Variants in ELMO1 observed in about 807,000 individuals in gnomAD.
ELMO1 encodes the protein engulfment and cell motility 1.
ELMO1 carries 26 observed loss-of-function variants against 98.9 expected under a neutral mutation model. The observed-to-expected ratio is 0.26, with a 90% confidence interval of 0.19 to 0.36. ELMO1 has a LOEUF of 0.36. Ranked by LOEUF, ELMO1 falls within the 10% of genes least tolerant of loss-of-function variation. ELMO1 has a pLI of 1.00. For missense variants in ELMO1, 627 were observed against 935.2 expected (o/e 0.67, Z 4.30); for synonymous variants, 346 against 346.0 (o/e 1.00, Z 0.00).
chr7:37,390,760 C>A (rs1428519938), intron 1 of ELMO1, among the ~76,000 whole-genome samples: 1 of 152,216 alleles, frequency 6.6e-6, no homozygotes, highest in African/African-American at 2.4e-5. Flanking sequence ...ACCCCCCAGC[C>A]CCCATGCTAT....
intron 17 of ELMO1, among the ~76,000 whole-genome samples, chr7:36,890,016 G>A (rs1805417335): frequency 6.6e-6 from 1 of 152,150 alleles, no homozygotes; most frequent in South Asian, 2.1e-4. Flanking sequence ...GAAAACATAA[G>A]TAAGCCCTAC....
chr7:36,926,952 G>T (rs545633275), intron 16 of ELMO1, among the ~76,000 whole-genome samples: 10 of 152,038 alleles, frequency 6.6e-5, no homozygotes, highest in Non-Finnish European at 8.8e-5. Context: ...ACAATAATTA[G>T]CCTGATAAGA....
chr7:37,307,369 A>C (rs1041538975), intron 4 of ELMO1, among the ~76,000 whole-genome samples: 1 of 151,774 alleles, frequency 6.6e-6, no homozygotes, highest in Non-Finnish European at 1.5e-5. Context: ...TCCCCACTTC[A>C]CTCTGCACTT....
chr7:37,240,842 T>C (rs1794730185), intron 7 of ELMO1, among the ~76,000 whole-genome samples: 1 of 152,222 alleles, frequency 6.6e-6, no homozygotes, highest in African/African-American at 2.4e-5. Flanking sequence ...ACATAATCTG[T>C]GTAATTTTAA....
At chr7:37,098,685 T>C (rs1168592066) in intron 14 of ELMO1, among the ~76,000 whole-genome samples, 1 of 152,192 alleles carries the variant, frequency 6.6e-6, no homozygotes, top group Non-Finnish European at 1.5e-5. Flanking sequence ...GGGAAACCAT[T>C]CTGATTCTAA....
intron 1 of ELMO1, among the ~76,000 whole-genome samples, chr7:37,428,293 T>C (rs1804792656): frequency 6.6e-6 from 1 of 151,206 alleles, no homozygotes; most frequent in Non-Finnish European, 1.5e-5. Context: ...ACCTAGAAAA[T>C]GGTGCAGCCT....
chr7:37,002,510 G>C (rs1177818590), intron 16 of ELMO1, among the ~76,000 whole-genome samples: 1 of 152,196 alleles, frequency 6.6e-6, no homozygotes, highest in African/African-American at 2.4e-5. Context: ...ACCGACTTTG[G>C]CCACTAATCA....
At chr7:36,961,775 CTAA>C (rs1180218669) in intron 16 of ELMO1, among the ~76,000 whole-genome samples, 14 of 152,122 alleles carry the variant, frequency 9.2e-5, no homozygotes, top group African/African-American at 3.4e-4. Flanking sequence ...ACATAGTGCT[CTAA>C]TAAGATTGAA....
intron 15 of ELMO1, among the ~76,000 whole-genome samples, chr7:37,044,866 T>G (rs1249081365): frequency 1.3e-5 from 2 of 152,184 alleles, no homozygotes; most frequent in Non-Finnish European, 1.5e-5. Flanking sequence ...AAGTATGAAT[T>G]AGAGAAGTAA....
chr7:37,332,576 T>C (rs192270380), intron 2 of ELMO1, among the ~76,000 whole-genome samples: 3 of 152,360 alleles, frequency 2.0e-5, no homozygotes, highest in African/African-American at 7.2e-5. Flanking sequence ...AAACAGGTGT[T>C]AGACATGCAG....
chr7:37,365,375 C>A (rs77778931), intron 1 of ELMO1, among the ~76,000 whole-genome samples: 12,385 of 152,218 alleles, frequency 0.081, 609 homozygotes, highest in Middle Eastern at 0.12. Flanking sequence ...CAGAGTCAAC[C>A]CTGTACCCAA....
At chr7:37,367,881 C>G (rs766725337) in intron 1 of ELMO1, among the ~76,000 whole-genome samples, 20 of 152,186 alleles carry the variant, frequency 1.3e-4, no homozygotes, top group Non-Finnish European at 1.9e-4. Flanking sequence ...ATCTTTCCCT[C>G]CCCACTAATA....
At chr7:37,441,962 T>C (rs1554315098) in intron 1 of ELMO1, among the ~76,000 whole-genome samples, 1 of 152,240 alleles carries the variant, frequency 6.6e-6, no homozygotes, top group Non-Finnish European at 1.5e-5. Context: ...GGGGCACTTA[T>C]AACTGCTGTT....
chr7:37,270,132 A>G (rs572271951), intron 5 of ELMO1: 8 of 152,336 alleles, frequency 5.3e-5, no homozygotes, highest in East Asian at 3.9e-4. Context: ...AAAACACATA[A>G]AACAATGGTG....
chr7:36,998,213 A>C (rs1792363807), intron 16 of ELMO1, among the ~76,000 whole-genome samples: 2 of 152,226 alleles, frequency 1.3e-5, no homozygotes, highest in African/African-American at 2.4e-5. Context: ...CTTCTTCATC[A>C]GAGCAGGGAT....
chr7:37,254,394 A>T (rs1170587447), intron 6 of ELMO1, among the ~76,000 whole-genome samples: 1 of 152,208 alleles, frequency 6.6e-6, no homozygotes, highest in Admixed American at 6.5e-5. Flanking sequence ...TGATTATTAT[A>T]AATACAGTCA....
chr7:37,400,530 C>T (rs1803481117), intron 1 of ELMO1, among the ~76,000 whole-genome samples: 1 of 152,200 alleles, frequency 6.6e-6, no homozygotes, highest in Admixed American at 6.5e-5. Context: ...AAGCCCAGAA[C>T]ATTTTCCAAC....
chr7:37,056,838 T>C (rs143781652), intron 15 of ELMO1, among the ~76,000 whole-genome samples: 419 of 152,358 alleles, frequency 2.8e-3, no homozygotes, highest in Non-Finnish European at 4.8e-3. Context: ...GTTCCAGCTC[T>C]GATTTGGTCC....
chr7:37,302,153 C>CT (rs1418864164), intron 4 of ELMO1, among the ~76,000 whole-genome samples: 7 of 152,250 alleles, frequency 4.6e-5, no homozygotes, highest in South Asian at 4.1e-4. Flanking sequence ...CTCCATTCCC[C>CT]TTTTTTTAAA....
Sources: allele counts gnomAD v4.1 joint callset (sites outside exome capture counted in the v4.1 genomes callset), GRCh38; gene constraint gnomAD v4.1.1; transcripts MANE v1.5; gene names NCBI Gene and HGNC (gene_info 2026-07-23, HGNC 2026-07-21).